Variants in SPG21 observed in about 807,000 individuals in gnomAD.
The protein encoded by SPG21 is SPG21 abhydrolase domain containing, maspardin.
SPG21 carries 26 observed loss-of-function variants against 38.9 expected under a neutral mutation model. The ratio of observed to expected loss-of-function variants is 0.67; its 90% CI spans 0.49 to 0.93. The LOEUF is 0.93. Among genes scored for constraint, SPG21 ranks in the 40% least tolerant of loss-of-function variants. The pLI, the probability that SPG21 is intolerant of heterozygous loss-of-function variation, is 0.00. For missense variants in SPG21, 333 were observed against 376.5 expected (o/e 0.88, Z 0.96); for synonymous variants, 136 against 128.9 (o/e 1.05, Z -0.37).
intron 1 of SPG21, among the ~76,000 whole-genome samples, chr15:64,984,026 C>T (rs1023128456): frequency 9.2e-5 from 14 of 152,158 alleles, no homozygotes; most frequent in African/African-American, 3.4e-4. Context: ...TCAGGTGATC[C>T]ACCCACCTCA....
At chr15:64,974,877 A>G (rs1411326274) in intron 4 of SPG21, 130 bp from the exon 5 acceptor site, 2 of 1,016,622 alleles carry the variant, frequency 2.0e-6, no homozygotes, top group Non-Finnish European at 3.0e-6. Flanking sequence ...AAATATTTAC[A>G]GCAGCTAGAA....
intron 1 of SPG21, among the ~76,000 whole-genome samples, chr15:64,988,135 T>C (rs1432378753): frequency 1.3e-5 from 2 of 152,048 alleles, no homozygotes; most frequent in Admixed American, 6.6e-5. Context: ...GGCAGGAGAA[T>C]TGCTTGAACC....
chr15:64,984,942 G>T (rs1354613940), intron 1 of SPG21, among the ~76,000 whole-genome samples: 1 of 151,862 alleles, frequency 6.6e-6, no homozygotes. Flanking sequence ...GTAGAGACGG[G>T]GTTTCACCAT....
At chr15:64,969,897 G>A (rs948515882) in intron 6 of SPG21, among the ~76,000 whole-genome samples, 10 of 152,170 alleles carry the variant, frequency 6.6e-5, no homozygotes, top group African/African-American at 2.4e-4. Context: ...CTTACAATCT[G>A]TATTTTTGAA....
chr15:64,969,327 T>C lies in SPG21; in HGVS notation c.597A>G (p.Arg199=), dbSNP rs1246614782. The change falls in exon 7 of 9, where the codon AGA becomes AGG. Residue 199 remains arginine, a synonymous_variant. Transcript: ENST00000204566. ...AAGAATTTTGACAATTCAAGGTAAG[T>C]CTTGAAGCCAGTTCACTCTGACCCA... ...ESLGQSELAS[R]LTLNCQNSYV... 3.1e-6 allele frequency: 5 copies of C among 1,613,948 alleles called. No homozygotes were observed. Among genetic ancestry groups the C allele is most frequent in the Admixed American group, 3.3e-5 (2 of 60,002 alleles).
intron 3 of SPG21, among the ~76,000 whole-genome samples, chr15:64,976,764 GTAAGC>G (rs1339225304): frequency 2.3e-4 from 35 of 152,242 alleles, no homozygotes; most frequent in Non-Finnish European, 3.5e-4. Flanking sequence ...AGTATAAAAA[GTAAGC>G]ACACTCTAAT....
Position 64,963,116 on chromosome 15 carries a change from T to C in SPG21, c.*504A>G, listed in dbSNP as rs556838543. 5 of 153,682 alleles carry C rather than the reference T, an allele frequency of 3.3e-5. No individual in the cohort carries two copies. The highest frequency in any genetic ancestry group is 1.9e-4 in the Admixed American group (3 of 15,428). 9.5% of individuals were successfully genotyped at this position (153,682 alleles called of 1,614,324 possible). On this transcript the variant is annotated 3_prime_UTR_variant, in exon 9 of 9. Coordinates refer to ENST00000204566, the MANE Select transcript of SPG21 (RefSeq NM_016630.7). ...TTGTTTAAGTGTAAATTAAAAGCAG[T>C]TGATTTGCAGGAGAGCAAACAGTGG...
At chr15:64,988,832 A>G (rs1241972499) in intron 1 of SPG21, 1 of 152,212 alleles carries the variant, frequency 6.6e-6, no homozygotes, top group Admixed American at 6.6e-5. Context: ...AATACAAAAA[A>G]TTAGCCGGGC....
chr15:64,973,446 T>C (rs1305023087), intron 5 of SPG21, among the ~76,000 whole-genome samples: 2 of 151,932 alleles, frequency 1.3e-5, no homozygotes, highest in African/African-American at 4.8e-5. Flanking sequence ...TCCACCATTT[T>C]GTTTTTGGTT....
rs763513835 is a variant in SPG21 at position 64,969,322 on chromosome 15, G to C, written c.602C>G (p.Thr201Ser). 1.2e-6 allele frequency: 2 copies of C among 1,614,074 alleles called. No homozygotes were observed. The highest frequency in any genetic ancestry group is 3.3e-5 in the Admixed American group (2 of 60,024). ...CACATAAGAATTTTGACAATTCAAG[G>C]TAAGTCTTGAAGCCAGTTCACTCTG... ...LGQSELASRL[T>S]LNCQNSYVEP... Residue 201 changes from threonine to serine, a missense_variant, in exon 7 of 9, where the codon ACC (threonine) becomes AGC (serine). Coordinates refer to ENST00000204566, the MANE Select transcript of SPG21 (RefSeq NM_016630.7).
At chr15:64,982,223 C>G (rs767657866) in intron 2 of SPG21, among the ~76,000 whole-genome samples, 1 of 145,962 alleles carries the variant, frequency 6.9e-6, no homozygotes, top group African/African-American at 2.5e-5. Flanking sequence ...CAGCTTACTG[C>G]AAGCTTGTCT....
intron 5 of SPG21, 59 bp downstream of exon 5, chr15:64,974,543 C>A (rs1426337122): frequency 6.3e-7 from 1 of 1,596,598 alleles, no homozygotes; most frequent in East Asian, 2.2e-5. Context: ...ATGTACCAAA[C>A]ACTCAAAAGC....
rs868109915 is a variant in SPG21, at chr15:64,983,500, T to C, written c.63+7A>G. On this transcript the variant is annotated splice_region_variant and intron_variant, in intron 2 of 8. Transcript: ENST00000204566. ...GCAAATAAGAGGTATAGTAAAACCA[T>C]ACATACCTTTTTAAGGGGAACTGTA... 7 of 1,565,000 alleles carry C rather than the reference T, an allele frequency of 4.5e-6. No individual in the cohort carries two copies. Among genetic ancestry groups the C allele is most frequent in the Non-Finnish European group, 6.1e-6 (7 of 1,148,348 alleles).
At chr15:64,985,651 C>T (rs957369818) in intron 1 of SPG21, among the ~76,000 whole-genome samples, 1 of 152,202 alleles carries the variant, frequency 6.6e-6, no homozygotes, top group Non-Finnish European at 1.5e-5. Flanking sequence ...AGGTGAGATT[C>T]GTGAGACCTA....
At chr15:64,982,605 A>G (rs1436447294) in intron 2 of SPG21, among the ~76,000 whole-genome samples, 2 of 152,186 alleles carry the variant, frequency 1.3e-5, no homozygotes, top group African/African-American at 4.8e-5. Context: ...ACTGGATTCT[A>G]ACACTCCTGC....
intron 5 of SPG21, among the ~76,000 whole-genome samples, chr15:64,972,328 T>C (rs2085683197): frequency 6.6e-6 from 1 of 152,204 alleles, no homozygotes; most frequent in South Asian, 2.1e-4. Flanking sequence ...CAGTAAGCAC[T>C]CAGATATTTG....
intron 7 of SPG21, among the ~76,000 whole-genome samples, 191 bp from the exon 8 acceptor site, chr15:64,965,651 GACTTATA>G (rs902126356): frequency 4.6e-5 from 7 of 152,064 alleles, no homozygotes; most frequent in Non-Finnish European, 1.0e-4. Context: ...GATCCCTGGT[GACTTATA>G]ACTCCAACCG....
chr15:64,964,700 G>A (rs1269029452), intron 8 of SPG21, among the ~76,000 whole-genome samples: 5 of 151,848 alleles, frequency 3.3e-5, no homozygotes, highest in South Asian at 2.1e-4. Context: ...GCGTGACCTC[G>A]GCTCACTGCA....
At position 64,965,260 on chromosome 15, in the gene SPG21, T is replaced by G. The variant is rs72740676; in HGVS notation, c.810+60A>C. 29,882 of 1,607,742 alleles carry G rather than the reference T, an allele frequency of 0.019. 321 individuals carry two copies. The highest frequency in any genetic ancestry group is 0.02 in the Non-Finnish European group (23,632 of 1,174,376). On this transcript the variant is annotated intron_variant, in intron 8 of 8. Coordinates refer to ENST00000204566, the MANE Select transcript of SPG21 (RefSeq NM_016630.7). Reference sequence around the variant, plus strand: ...TCCCTAACTAGTCCATTAAAAGAAGTCTTTATGTTGCAAACATATGTTGGG... The same window carrying G: ...TCCCTAACTAGTCCATTAAAAGAAGGCTTTATGTTGCAAACATATGTTGGG...
Sources: allele counts gnomAD v4.1 joint callset (sites outside exome capture counted in the v4.1 genomes callset), GRCh38; gene constraint gnomAD v4.1.1; transcripts MANE v1.5; gene names NCBI Gene and HGNC (gene_info 2026-07-23, HGNC 2026-07-21).